The following SGO2 variants were observed in gnomAD, a reference collection of about 807,000 sequenced individuals.
The protein encoded by SGO2 is shugoshin 2, also known as shugoshin-like 2.
In SGO2, 68 loss-of-function variants were observed where a neutral mutation model predicts 99.5. The ratio of observed to expected loss-of-function variants is 0.68; its 90% CI spans 0.56 to 0.84. SGO2 has a LOEUF of 0.84. SGO2 is among the 40% of genes least tolerant of loss of function. The pLI, the probability that SGO2 is intolerant of heterozygous loss-of-function variation, is 0.00. For missense variants in SGO2, 1,350 were observed against 1,436.7 expected, an observed-to-expected ratio of 0.94 and a Z score of 0.97; for synonymous variants, 457 against 487.1, an observed-to-expected ratio of 0.94 and a Z score of 0.81.
intron 1 of SGO2, among the ~76,000 whole-genome samples, chr2:200,530,899 G>A (rs2031342704): frequency 6.6e-6 from 1 of 152,204 alleles, no homozygotes; most frequent in Admixed American, 6.5e-5. Context: ...TTATGAGAAA[G>A]TTGGAAACTG....
At chr2:200,564,874 G>A (rs2033124774) in intron 5 of SGO2, among the ~76,000 whole-genome samples, 1 of 152,062 alleles carries the variant, frequency 6.6e-6, no homozygotes, top group African/African-American at 2.4e-5. Flanking sequence ...TCAGAGACTA[G>A]GATTGCAACC....
At chr2:200,565,026 CTG>C (rs1222764840) in intron 5 of SGO2, among the ~76,000 whole-genome samples, 1 of 152,164 alleles carries the variant, frequency 6.6e-6, no homozygotes, top group Non-Finnish European at 1.5e-5. Flanking sequence ...ATTTGCCAGT[CTG>C]TGTCTTTTAA....
At position 200,562,710 on chromosome 2, in the gene SGO2, G is replaced by T. The variant is rs889258064; in HGVS notation, c.474-6953G>T. Reference sequence around the variant, plus strand: ...ATGAGCATGGAATGTTCTTCCATTTGTTTGTGCCCTCTTTTATTTCATTGA... The same window carrying T: ...ATGAGCATGGAATGTTCTTCCATTTTTTTGTGCCCTCTTTTATTTCATTGA... On this transcript the variant is annotated intron_variant, in intron 5 of 8. Coordinates refer to ENST00000357799, the MANE Select transcript of SGO2 (RefSeq NM_152524.6). 5.9e-5 allele frequency among the ~76,000 whole-genome samples: 9 copies of T among 152,116 alleles called. No individual in the cohort carries two copies. The South Asian group carries it at 8.3e-4, about 14-fold the overall frequency.
Position 200,571,519 on chromosome 2 carries a change from T to C in SGO2, c.1173T>C (p.Asn391=), listed in dbSNP as rs2033425982. ...AAAAGAAAAGTAATAAAAAAACAAA[T>C]GAACATGGAATGAAAACTTTCAGAA... ...GIKKKSNKKT[N]EHGMKTFRKV... Residue 391 remains asparagine (N), a synonymous_variant, in exon 7 of 9, where the codon AAT becomes AAC. Coordinates refer to ENST00000357799, the MANE Select transcript of SGO2 (RefSeq NM_152524.6). The C allele has an allele frequency of 6.2e-7, 1 of 1,611,060 alleles. No individual in the cohort carries two copies. The highest frequency in any genetic ancestry group is 1.3e-5 in the African/African-American group (1 of 74,460).
At chr2:200,532,272 G>GTTTTTTTTTTTTTTTT (rs58961852) in intron 1 of SGO2, 4 of 187,204 alleles carry the variant, frequency 2.1e-5, no homozygotes, top group Non-Finnish European at 1.7e-5. Flanking sequence ...AGAGTTTTTT[G>GTTTTTTTTTTTTTTTT]TTTTTTTTTT....
chr2:200,577,062 C>T (rs1374346878), intron 8 of SGO2, among the ~76,000 whole-genome samples: 1 of 151,226 alleles, frequency 6.6e-6, no homozygotes, highest in Non-Finnish European at 1.5e-5. Context: ...GGATATATCC[C>T]TAGGAGTGGA....
Position 200,549,392 on chromosome 2 carries a change from A to T in SGO2, c.473+6728A>T, listed in dbSNP as rs540874338. 6.6e-5 allele frequency among the ~76,000 whole-genome samples: 10 copies of T among 152,320 alleles called. No individual in the cohort carries two copies. The South Asian group carries it at 2.1e-3, about 32-fold the overall frequency. On this transcript the variant is annotated intron_variant, in intron 5 of 8. Transcript: ENST00000357799. ...CTTTGAAAAGGAGGGAATACTTCCA[A>T]ACTCACTCTACAAGGCCAGCATTAC...
chr2:200,541,867 ACT>A (rs1434753245), intron 4 of SGO2, among the ~76,000 whole-genome samples: 2 of 151,512 alleles, frequency 1.3e-5, no homozygotes, highest in Admixed American at 6.6e-5. Flanking sequence ...CCATTTCTGG[ACT>A]CTCTGTTCTA....
In SGO2 at chr2:200,532,746, A is replaced by G. The variant is rs80131174; in HGVS notation, c.-2-228A>G. 7.9e-4 allele frequency among the ~76,000 whole-genome samples: 120 copies of G among 152,276 alleles called. No homozygotes were observed. The East Asian group carries it at 0.022, about 27-fold the overall frequency. On this transcript the variant is annotated intron_variant, in intron 1 of 8. Coordinates refer to ENST00000357799, the MANE Select transcript of SGO2 (RefSeq NM_152524.6). ...GTCATCTTTCCCCTGCACCTGGTAC[A>G]TAGATGATTAATGTAGGCTTAAATG...
rs1317586204 is a variant in SGO2 at position 200,571,669 on chromosome 2, C to T, written c.1323C>T (p.Gly441=). The T allele has an allele frequency of 2.5e-6, 4 of 1,613,450 alleles. No individual in the cohort carries two copies. Among genetic ancestry groups the T allele is most frequent in the Non-Finnish European group, 2.5e-6 (3 of 1,179,690 alleles). The part of the protein sequence containing the change: ...NRTERSDVLD[G]KRGAEDPGFI... ...CAGAAAGATCTGATGTCCTGGATGG[C>T]AAAAGGGGTGCAGAAGATCCCGGTT... The change falls in exon 7 of 9, where the codon GGC becomes GGT. Residue 441 remains glycine, a synonymous_variant. Transcript: ENST00000357799.
intron 5 of SGO2, among the ~76,000 whole-genome samples, chr2:200,560,108 G>A (rs2032883546): frequency 6.6e-6 from 1 of 152,020 alleles, no homozygotes; most frequent in Non-Finnish European, 1.5e-5. Context: ...TGTTTATTCT[G>A]TCAGTTATTG....
At chr2:200,536,685 C>G (rs2031708931) in intron 4 of SGO2, among the ~76,000 whole-genome samples, 1 of 152,102 alleles carries the variant, frequency 6.6e-6, no homozygotes, top group Non-Finnish European at 1.5e-5. Context: ...GGTGAAGGCA[C>G]AGTATACATT....
chr2:200,532,284 GTTTTTTTTTTT>G (rs1380508038), intron 1 of SGO2: 13 of 154,838 alleles, frequency 8.4e-5, no homozygotes, highest in Middle Eastern at 3.8e-3. Context: ...TTTTTTTTTT[GTTTTTTTTTTT>G]TTTTCAGATC....
intron 8 of SGO2, among the ~76,000 whole-genome samples, chr2:200,579,901 AT>A (rs1273473627): frequency 1.3e-5 from 2 of 152,152 alleles, no homozygotes; most frequent in Non-Finnish European, 2.9e-5. Context: ...CTTTAATGAA[AT>A]AATTTATATT....
At chr2:200,581,737 T>C (rs369609055) in intron 8 of SGO2, among the ~76,000 whole-genome samples, 1 of 152,232 alleles carries the variant, frequency 6.6e-6, no homozygotes, top group Non-Finnish European at 1.5e-5. Flanking sequence ...GAATTTATAC[T>C]GAATGTTGTG....
intron 8 of SGO2, among the ~76,000 whole-genome samples, chr2:200,578,294 T>C (rs2033732070): frequency 1.3e-5 from 2 of 152,214 alleles, no homozygotes; most frequent in African/African-American, 4.8e-5. Flanking sequence ...TCAGGTTGGC[T>C]TCCGTGTCCT....
intron 1 of SGO2, among the ~76,000 whole-genome samples, chr2:200,529,041 G>T (rs1459425142): frequency 1.3e-5 from 2 of 152,190 alleles, no homozygotes; most frequent in African/African-American, 4.8e-5. Context: ...CCATATAGTA[G>T]TGGTGAGAGC....
At chr2:200,553,417 T>C (rs2106325791) in intron 5 of SGO2, among the ~76,000 whole-genome samples, 1 of 152,322 alleles carries the variant, frequency 6.6e-6, no homozygotes, top group East Asian at 1.9e-4. Context: ...CCTATCCCTC[T>C]TGTTTCTTTT....
At chr2:200,554,685 C>T (rs138908190) in intron 5 of SGO2, among the ~76,000 whole-genome samples, 5 of 152,264 alleles carry the variant, frequency 3.3e-5, no homozygotes, top group South Asian at 2.1e-4. Context: ...TTTTGGAACA[C>T]ATACCAGTAA....
Sources: gnomAD v4.1 joint callset for allele counts (sites outside exome capture counted in the v4.1 genomes callset) on GRCh38, gnomAD v4.1.1 for gene constraint, MANE v1.5 for transcripts, NCBI Gene and HGNC (gene_info 2026-07-23, HGNC 2026-07-21) for gene names.